APBA2: variants seen among roughly 807,000 people sequenced by gnomAD.
APBA2 encodes amyloid-beta A4 precursor protein-binding family A member 2.
A neutral mutation model predicts 75.0 loss-of-function variants in APBA2; 30 were observed. The ratio of observed to expected loss-of-function variants is 0.40; its 90% CI spans 0.30 to 0.54. The LOEUF (loss-of-function observed/expected upper bound fraction) is 0.54. Ranked by LOEUF, APBA2 falls within the 20% of genes least tolerant of loss-of-function variation. The probability of loss-of-function intolerance (pLI) is 0.49; values close to 1 mark genes in which losing one functional copy is unlikely to be tolerated. For synonymous variants in APBA2, 444 were observed against 409.6 expected (o/e 1.08, Z -1.01); for missense variants, 801 against 1,016.1 (o/e 0.79, Z 2.88).
chr15:28,984,962 T>C (rs1417246395), intron 2 of APBA2, among the ~76,000 whole-genome samples: 2 of 151,652 alleles, frequency 1.3e-5, no homozygotes, highest in Non-Finnish European at 1.5e-5. Flanking sequence ...CGCCAACCAC[T>C]GCCGTCTCTG....
chr15:29,009,561 C>T (rs2039296766), intron 3 of APBA2, among the ~76,000 whole-genome samples: 1 of 152,114 alleles, frequency 6.6e-6, no homozygotes, highest in Non-Finnish European at 1.5e-5. Context: ...GGGTCCTCTC[C>T]CAGCCATAAC....
chr15:29,115,689 C>T (rs1451270833), intron 14 of APBA2, among the ~76,000 whole-genome samples: 1 of 152,124 alleles, frequency 6.6e-6, no homozygotes, highest in African/African-American at 2.4e-5. Flanking sequence ...CTTGCAGTTG[C>T]GAGGGGCCTC....
Position 29,098,524 on chromosome 15 carries a change from T to C in APBA2, c.1286T>C (p.Val429Ala), listed in dbSNP as rs1464795163. 4.3e-6 allele frequency: 7 copies of C among 1,614,070 alleles called. No individual in the cohort carries two copies. Among genetic ancestry groups the C allele is most frequent in the Non-Finnish European group, 5.9e-6 (7 of 1,180,016 alleles). ...SEGDAQTLTE[V>A]DLFISTQRIK... ...GGGGATGCCCAGACGCTGACGGAAG[T>C]GGACCTCTTCATTTCCACCCAGAGG... Residue 429 changes from valine to alanine, a missense_variant, in exon 9 of 15, where the codon GTG becomes GCG. By Grantham distance (64) the Val-to-Ala change is moderately conservative (BLOSUM62 0). This residue lies in a region of APBA2 where 367 missense variants were observed against 544.5 expected (regional missense o/e 0.67). Transcript: ENST00000683413.
intron 1 of APBA2, among the ~76,000 whole-genome samples, chr15:28,914,451 T>TG (rs1369605495): frequency 6.6e-6 from 1 of 152,148 alleles, no homozygotes; most frequent in Non-Finnish European, 1.5e-5. Context: ...ATCTTGCACA[T>TG]GGCTTCCTTT....
intron 3 of APBA2, among the ~76,000 whole-genome samples, chr15:29,041,048 T>C (rs1392179191): frequency 3.5e-5 from 5 of 144,060 alleles, no homozygotes; most frequent in African/African-American, 1.3e-4. Flanking sequence ...AAGAAAAAAA[T>C]AGGAATTTTA....
intron 1 of APBA2, among the ~76,000 whole-genome samples, chr15:28,910,709 G>T (rs184073104): frequency 6.6e-6 from 1 of 152,252 alleles, no homozygotes; most frequent in African/African-American, 2.4e-5. Flanking sequence ...AACCATGTCT[G>T]GGCTTAACAT....
intron 3 of APBA2, among the ~76,000 whole-genome samples, chr15:29,028,099 C>T (rs961684646): frequency 1.7e-4 from 26 of 151,880 alleles, no homozygotes; most frequent in African/African-American, 6.3e-4. Context: ...CAACCCATCA[C>T]CGAGGTATTA....
intron 1 of APBA2, among the ~76,000 whole-genome samples, chr15:28,902,804 A>G (rs1002759871): frequency 6.6e-6 from 1 of 152,146 alleles, no homozygotes; most frequent in African/African-American, 2.4e-5. Flanking sequence ...CCTTGGCTCC[A>G]AACCTCACTG....
intron 8 of APBA2, among the ~76,000 whole-genome samples, chr15:29,094,900 C>CT (rs60744239): frequency 2.5e-4 from 37 of 146,304 alleles, no homozygotes; most frequent in African/African-American, 8.4e-4. Context: ...GTCTCCACAA[C>CT]TTTTTTTTTT....
intron 3 of APBA2, among the ~76,000 whole-genome samples, chr15:29,052,956 A>G (rs1163025971): frequency 6.6e-6 from 1 of 152,230 alleles, no homozygotes; most frequent in Non-Finnish European, 1.5e-5. Context: ...CACAGCCCTC[A>G]TGACCTAATC....
chr15:29,028,084 C>T (rs138417247), intron 3 of APBA2, among the ~76,000 whole-genome samples: 38 of 151,874 alleles, frequency 2.5e-4, no homozygotes, highest in African/African-American at 8.9e-4. Context: ...GTTTGCTGCA[C>T]CTATCAACCC....
At chr15:29,115,551 G>A (rs1016912235) in intron 14 of APBA2, among the ~76,000 whole-genome samples, 2 of 152,174 alleles carry the variant, frequency 1.3e-5, no homozygotes, top group Non-Finnish European at 2.9e-5. Context: ...GTGGAGGAGC[G>A]GGCGGGAGAA....
chr15:29,100,870 C>T (rs1567011430), intron 9 of APBA2, among the ~76,000 whole-genome samples: 1 of 152,204 alleles, frequency 6.6e-6, no homozygotes, highest in Non-Finnish European at 1.5e-5. Flanking sequence ...CGAGAGCTCA[C>T]CTGACATCAC....
chr15:29,103,040 G>A (rs1275208288), intron 10 of APBA2, among the ~76,000 whole-genome samples: 4 of 152,222 alleles, frequency 2.6e-5, no homozygotes, highest in African/African-American at 7.2e-5. Flanking sequence ...TCCTTCCACC[G>A]CTACACGGAG....
chr15:28,889,604 C>A (rs2031994494), intron 1 of APBA2, among the ~76,000 whole-genome samples: 1 of 152,150 alleles, frequency 6.6e-6, no homozygotes, highest in African/African-American at 2.4e-5. Flanking sequence ...GTTGTCCCCA[C>A]CCCATCCCCA....
chr15:28,886,528 G>A (rs1351196607), intron 1 of APBA2, among the ~76,000 whole-genome samples: 1 of 151,732 alleles, frequency 6.6e-6, no homozygotes, highest in Admixed American at 6.6e-5. Flanking sequence ...GGCGGGGCGG[G>A]GACCAGGCGG....
At chr15:29,108,881 G>A (rs62007238) in intron 13 of APBA2, among the ~76,000 whole-genome samples, 4,344 of 152,350 alleles carry the variant, frequency 0.029, 83 homozygotes, top group Non-Finnish European at 0.042. Flanking sequence ...CCTGGAGGAG[G>A]TGATGCTGGG....
intron 6 of APBA2, among the ~76,000 whole-genome samples, chr15:29,079,757 G>C (rs76308860): frequency 1.3e-5 from 2 of 152,104 alleles, no homozygotes; most frequent in African/African-American, 2.4e-5. Flanking sequence ...AAATGTTCCT[G>C]GAGTATTCAT....
chr15:28,951,907 T>TTA (rs2035904707), intron 2 of APBA2, among the ~76,000 whole-genome samples: 1 of 142,098 alleles, frequency 7.0e-6, no homozygotes, highest in Admixed American at 6.9e-5. Context: ...TTTTTTTTTT[T>TTA]AAGACAGAGT....
Sources: gnomAD v4.1 joint callset for allele counts (sites outside exome capture counted in the v4.1 genomes callset) on GRCh38, gnomAD v4.1.1 for gene constraint, gnomAD v4.1.1 regional missense constraint, MANE v1.5 for transcripts, NCBI Gene and HGNC (gene_info 2026-07-23, HGNC 2026-07-21) for gene names.